Variants in RBFOX1 observed in about 807,000 individuals in gnomAD.
The protein encoded by RBFOX1 is RNA binding fox-1 homolog 1.
RBFOX1 carries 8 observed loss-of-function variants against 57.7 expected under a neutral mutation model. The ratio of observed to expected loss-of-function variants is 0.14; its 90% CI spans 0.08 to 0.25. The LOEUF is 0.25. Among genes scored for constraint, RBFOX1 ranks in the 10% least tolerant of loss-of-function variants. RBFOX1 has a pLI of 1.00. For synonymous variants in RBFOX1, 326 were observed against 222.4 expected (o/e 1.47, Z -4.15); for missense variants, 611 against 548.5 (o/e 1.11, Z -1.14).
At chr16:7,058,159 C>T (rs972893626) in intron 4 of RBFOX1, among the ~76,000 whole-genome samples, 5 of 152,212 alleles carry the variant, frequency 3.3e-5, no homozygotes, top group East Asian at 3.9e-4. Flanking sequence ...ACCTACCGCA[C>T]GTCTTACTCA....
intron 13 of RBFOX1, among the ~76,000 whole-genome samples, chr16:7,667,627 C>G (rs941067967): frequency 3.9e-5 from 6 of 152,122 alleles, no homozygotes; most frequent in African/African-American, 1.4e-4. Flanking sequence ...TTGTCAGCGG[C>G]CCCGGGATAT....
At chr16:7,627,833 G>T (rs1220566953) in intron 10 of RBFOX1, among the ~76,000 whole-genome samples, 1 of 152,074 alleles carries the variant, frequency 6.6e-6, no homozygotes, top group Admixed American at 6.5e-5. Context: ...TAAATTGGAG[G>T]ATGCTTTTAG....
At chr16:6,620,492 A>G (rs1049892527) in intron 2 of RBFOX1, among the ~76,000 whole-genome samples, 2 of 152,210 alleles carry the variant, frequency 1.3e-5, no homozygotes, top group African/African-American at 2.4e-5. Flanking sequence ...GAAATAACCA[A>G]AATCGGAGCT....
chr16:7,495,933 G>C (rs1314951536), intron 4 of RBFOX1, among the ~76,000 whole-genome samples: 1 of 152,002 alleles, frequency 6.6e-6, no homozygotes, highest in Admixed American at 6.6e-5. Flanking sequence ...GAATTTCATT[G>C]AAGTTCCTCA....
intron 4 of RBFOX1, among the ~76,000 whole-genome samples, chr16:7,356,182 A>C (rs1418049354): frequency 2.6e-5 from 4 of 152,204 alleles, no homozygotes; most frequent in Non-Finnish European, 4.4e-5. Context: ...ATTCCATGCT[A>C]GGCAGAGTTC....
At chr16:7,217,925 GGT>G (rs1292780172) in intron 4 of RBFOX1, among the ~76,000 whole-genome samples, 2 of 150,668 alleles carry the variant, frequency 1.3e-5, no homozygotes, top group African/African-American at 2.4e-5. Flanking sequence ...TGTGAGTGTA[GGT>G]GTGTGCGTGC....
intron 2 of RBFOX1, among the ~76,000 whole-genome samples, chr16:6,379,926 A>C (rs565148283): frequency 6.6e-6 from 1 of 152,102 alleles, no homozygotes; most frequent in Non-Finnish European, 1.5e-5. Flanking sequence ...CCTGATGGAG[A>C]AAGCTTCAGG....
chr16:5,745,163 T>C (rs2052928724), intron 3 of RBFOX1, among the ~76,000 whole-genome samples: 1 of 152,174 alleles, frequency 6.6e-6, no homozygotes, highest in Non-Finnish European at 1.5e-5. Context: ...CATTGTTCAA[T>C]TCCCACCTAT....
At chr16:7,392,490 C>A (rs1363529150) in intron 4 of RBFOX1, among the ~76,000 whole-genome samples, 1 of 152,124 alleles carries the variant, frequency 6.6e-6, no homozygotes, top group Non-Finnish European at 1.5e-5. Flanking sequence ...CTTTATGGTC[C>A]TACCAAAACC....
chr16:6,489,705 G>C (rs189074486), intron 2 of RBFOX1, among the ~76,000 whole-genome samples: 6 of 152,266 alleles, frequency 3.9e-5, no homozygotes, highest in Admixed American at 3.9e-4. Flanking sequence ...TTTTGAAAGA[G>C]CATGAGTGAT....
intron 1 of RBFOX1, among the ~76,000 whole-genome samples, chr16:6,296,469 G>A (rs1469753899): frequency 1.3e-5 from 2 of 150,630 alleles, no homozygotes; most frequent in Admixed American, 6.6e-5. Flanking sequence ...CGCCCAGGCC[G>A]GAGTGCAATG....
chr16:7,382,002 G>A (rs934197461), intron 4 of RBFOX1, among the ~76,000 whole-genome samples: 6 of 152,180 alleles, frequency 3.9e-5, no homozygotes, highest in Non-Finnish European at 5.9e-5. Flanking sequence ...GCTTTTACGC[G>A]ATTGGATTCT....
intron 5 of RBFOX1, among the ~76,000 whole-genome samples, chr16:7,547,431 GA>G (rs1203924112): frequency 6.6e-6 from 1 of 152,208 alleles, no homozygotes. Context: ...TGCCAAAAAT[GA>G]GAAGAAAAGA....
chr16:7,073,583 G>A (rs932460052), intron 4 of RBFOX1, among the ~76,000 whole-genome samples: 8 of 152,118 alleles, frequency 5.3e-5, no homozygotes, highest in African/African-American at 1.7e-4. Flanking sequence ...AGGCTCACAC[G>A]TGTAATCCCA....
chr16:6,709,213 G>C (rs2063316934), intron 3 of RBFOX1, among the ~76,000 whole-genome samples: 1 of 152,168 alleles, frequency 6.6e-6, no homozygotes, highest in African/African-American at 2.4e-5. Flanking sequence ...GGTTGCACAA[G>C]TATAAACCCA....
chr16:6,310,007 C>G (rs1400620468), intron 1 of RBFOX1, among the ~76,000 whole-genome samples: 1 of 152,120 alleles, frequency 6.6e-6, no homozygotes, highest in Admixed American at 6.5e-5. Flanking sequence ...CCTGCCTCAG[C>G]CTCCCGAGGA....
At chr16:6,409,328 C>G (rs544043453) in intron 2 of RBFOX1, among the ~76,000 whole-genome samples, 2 of 152,210 alleles carry the variant, frequency 1.3e-5, no homozygotes, top group South Asian at 4.1e-4. Context: ...GCAGGAGAAT[C>G]GCTTGAACCT....
chr16:7,448,201 A>T (rs1374815653), intron 4 of RBFOX1, among the ~76,000 whole-genome samples: 1 of 152,202 alleles, frequency 6.6e-6, no homozygotes, highest in Non-Finnish European at 1.5e-5. Context: ...AAATAACAGA[A>T]ACTTATTCTC....
At chr16:7,684,267 C>A (rs558430794) in intron 14 of RBFOX1, among the ~76,000 whole-genome samples, 4 of 152,070 alleles carry the variant, frequency 2.6e-5, no homozygotes, top group Non-Finnish European at 5.9e-5. Context: ...TGGAATTAGG[C>A]ACTTCTCAAA....
Sources: gnomAD v4.1 joint callset for allele counts (sites outside exome capture counted in the v4.1 genomes callset) on GRCh38, gnomAD v4.1.1 for gene constraint, MANE v1.5 for transcripts, NCBI Gene and HGNC (gene_info 2026-07-23, HGNC 2026-07-21) for gene names.